FBXO15: variants seen among roughly 807,000 people sequenced by gnomAD.
FBXO15 encodes the protein F-box only protein 15.
A neutral mutation model predicts 49.5 loss-of-function variants in FBXO15; 30 were observed. The ratio of observed to expected loss-of-function variants is 0.61; its 90% CI spans 0.45 to 0.82. The LOEUF is 0.82. Ranked by LOEUF, FBXO15 falls within the 40% of genes least tolerant of loss-of-function variation. The probability of loss-of-function intolerance (pLI) is 0.00; values close to 1 mark genes in which losing one functional copy is unlikely to be tolerated. For synonymous variants in FBXO15, 250 were observed against 232.7 expected, an observed-to-expected ratio of 1.07 and a Z score of -0.68; for missense variants, 591 against 631.5, an observed-to-expected ratio of 0.94 and a Z score of 0.69.
intron 8 of FBXO15, among the ~76,000 whole-genome samples, chr18:74,114,691 C>T (rs1399100611): frequency 6.6e-6 from 1 of 152,154 alleles, no homozygotes; most frequent in East Asian, 1.9e-4. Flanking sequence ...TTCTTTTTAA[C>T]TTAATTTTAG....
intron 8 of FBXO15, among the ~76,000 whole-genome samples, chr18:74,100,446 C>T (rs542568607): frequency 1.3e-5 from 2 of 152,006 alleles, no homozygotes; most frequent in South Asian, 4.2e-4. Context: ...AGCCCTAAAT[C>T]CCTACATCAA....
chr18:74,132,944 G>C (rs62097048), intron 3 of FBXO15, among the ~76,000 whole-genome samples: 13,317 of 152,298 alleles, frequency 0.087, 820 homozygotes, highest in Admixed American at 0.2. Flanking sequence ...GCACTGGGGA[G>C]CCCCCTGCCC....
chr18:74,132,341 G>C (rs8086078), intron 3 of FBXO15, among the ~76,000 whole-genome samples: 14,868 of 152,106 alleles, frequency 0.098, 1,501 homozygotes, highest in African/African-American at 0.25. Flanking sequence ...CCTTTATGGA[G>C]CCTTGAATTC....
At position 74,082,117 on chromosome 18, in the gene FBXO15, A is replaced by G. The variant is rs546404750; in HGVS notation, c.1139-66T>C. 6.4e-6 allele frequency: 10 copies of G among 1,564,194 alleles called. No individual in the cohort carries two copies. In the African/African-American group the frequency reaches 1.2e-4, roughly 19 times the overall value. On this transcript the variant is annotated intron_variant, in intron 8 of 9. Transcript: ENST00000419743. ...GCAAGATGACAAACCAAGCACGTTC[A>G]GTCGGCGACTTTATAAGGATACCTC...
chr18:74,105,677 A>C (rs1393923623), intron 8 of FBXO15, among the ~76,000 whole-genome samples: 1 of 151,818 alleles, frequency 6.6e-6, no homozygotes, highest in African/African-American at 2.4e-5. Flanking sequence ...CAAACTCCTG[A>C]CCTTGTGACC....
intron 2 of FBXO15, among the ~76,000 whole-genome samples, chr18:74,136,204 T>G (rs1272714852): frequency 6.6e-6 from 1 of 152,160 alleles, no homozygotes; most frequent in East Asian, 1.9e-4. Context: ...TTTGTAGAGA[T>G]AGGGTCTTGC....
intron 7 of FBXO15, 28 bp from the exon 8 acceptor site, chr18:74,123,538 A>G (rs1431347689): frequency 6.3e-7 from 1 of 1,578,206 alleles, no homozygotes; most frequent in Non-Finnish European, 8.6e-7. Flanking sequence ...AGAAACATAC[A>G]AATTTGTCAA....
intron 6 of FBXO15, 104 bp from the exon 7 acceptor site, chr18:74,124,675 C>T (rs1047146508): frequency 8.5e-6 from 8 of 938,434 alleles, no homozygotes; most frequent in Non-Finnish European, 1.4e-5. Flanking sequence ...GATAGAGGCA[C>T]TTTCTTACAA....
chr18:74,076,472 G>A (rs1038815956), intron 9 of FBXO15: 2 of 152,192 alleles, frequency 1.3e-5, no homozygotes, highest in Non-Finnish European at 2.9e-5. Context: ...CTAGGAAGAG[G>A]GCCCTCACCA....
At chr18:74,083,514 G>A (rs1010577124) in intron 8 of FBXO15, among the ~76,000 whole-genome samples, 12 of 152,204 alleles carry the variant, frequency 7.9e-5, no homozygotes, top group Non-Finnish European at 1.5e-4. Flanking sequence ...GCAGCCGACG[G>A]CGCCTACAGA....
chr18:74,107,364 T>C (rs73474888), intron 8 of FBXO15, among the ~76,000 whole-genome samples: 6,002 of 152,220 alleles, frequency 0.039, 393 homozygotes, highest in African/African-American at 0.13. Context: ...TTTAAAAAAA[T>C]ATTTTAACAG....
At chr18:74,103,797 A>T (rs1234117380) in intron 8 of FBXO15, among the ~76,000 whole-genome samples, 1 of 152,162 alleles carries the variant, frequency 6.6e-6, no homozygotes, top group East Asian at 1.9e-4. Context: ...AATATGAAGG[A>T]CAGATAAAGT....
In FBXO15 at chr18:74,123,460, T is replaced by C; in HGVS notation, c.1046A>G (p.Tyr349Cys). Residue 349 changes from tyrosine to cysteine, a missense_variant, in exon 8 of 10, where the codon TAT (tyrosine) becomes TGT (cysteine). Tyr to Cys is a radical substitution (Grantham distance 194, BLOSUM62 -2). Transcript: ENST00000419743. The stretch of plus-strand genomic sequence containing the variant: ...ATGGAGTTGGTAGCCGTGCAGTCCA[T>C]ACTCGGGGCTATCATCCAAAAAGGG... ...HSPFLDDSPE[Y>C]GLHGYQLHVD... 2 of 1,613,880 alleles carry C rather than the reference T, an allele frequency of 1.2e-6. No individual in the cohort carries two copies. Among genetic ancestry groups the C allele is most frequent in the Non-Finnish European group, 8.5e-7 (1 of 1,179,914 alleles).
rs182386604 is a variant in FBXO15 at position 74,074,606 on chromosome 18, T to C, written c.1264-876A>G. On this transcript the variant is annotated intron_variant, in intron 9 of 9. Transcript: ENST00000419743. The surrounding 1 kb of genome is among the most constrained non-coding windows in gnomAD (Gnocchi z 4.7). The stretch of plus-strand genomic sequence containing the variant: ...TGGATGACTTCCACTACAACTGTAC[T>C]TCAGATTTACCCAGTGTTTTCACCC... 1.3e-5 allele frequency among the ~76,000 whole-genome samples: 2 copies of C among 152,316 alleles called. No individual in the cohort carries two copies. Among genetic ancestry groups the C allele is most frequent in the African/African-American group, 2.4e-5 (1 of 41,582 alleles).
intron 1 of FBXO15, among the ~76,000 whole-genome samples, chr18:74,146,471 T>C (rs1361475637): frequency 3.9e-5 from 6 of 152,206 alleles, no homozygotes; most frequent in Admixed American, 1.3e-4. Flanking sequence ...AAAAGATTCA[T>C]CATATAAAAA....
chr18:74,078,828 A>C (rs892713613), intron 9 of FBXO15: 2 of 152,152 alleles, frequency 1.3e-5, no homozygotes, highest in Non-Finnish European at 2.9e-5. Flanking sequence ...CTCAAAACTC[A>C]GTGTCTGGGG....
intron 8 of FBXO15, among the ~76,000 whole-genome samples, chr18:74,083,277 G>A (rs769255838): frequency 1.7e-4 from 26 of 152,200 alleles, no homozygotes; most frequent in South Asian, 1.0e-3. Context: ...AGGAAGAAAT[G>A]CCAAATGACA....
chr18:74,144,390 A>G (rs1260186931), intron 1 of FBXO15, among the ~76,000 whole-genome samples: 1 of 150,194 alleles, frequency 6.7e-6, no homozygotes, highest in Non-Finnish European at 1.5e-5. Flanking sequence ...TGAATCTGTA[A>G]TAAGTTGGGG....
chr18:74,081,211 T>C (rs566854693), intron 9 of FBXO15, among the ~76,000 whole-genome samples: 4 of 152,310 alleles, frequency 2.6e-5, no homozygotes, highest in African/African-American at 9.6e-5. Context: ...AAGGTGCGCA[T>C]GCATAGCGCC....
Sources: allele counts gnomAD v4.1 joint callset (sites outside exome capture counted in the v4.1 genomes callset), GRCh38; gene constraint gnomAD v4.1.1; non-coding constraint Gnocchi (gnomAD v3.1); transcripts MANE v1.5; gene names NCBI Gene and HGNC (gene_info 2026-07-23, HGNC 2026-07-21).